PIGF: variants seen among roughly 807,000 people sequenced by gnomAD.
PIGF encodes the protein phosphatidylinositol glycan anchor biosynthesis class F.
PIGF carries 23 observed loss-of-function variants against 26.0 expected under a neutral mutation model. The ratio of observed to expected loss-of-function variants is 0.88; its 90% CI spans 0.64 to 1.25. PIGF has a LOEUF of 1.25. Ranked by LOEUF, PIGF falls within the 50% of genes most tolerant of loss-of-function variation. PIGF has a pLI of 0.00. For synonymous variants in PIGF, 93 were observed against 92.6 expected, an observed-to-expected ratio of 1.00 and a Z score of -0.03; for missense variants, 278 against 249.9, an observed-to-expected ratio of 1.11 and a Z score of -0.76.
chr2:46,616,981 T>TTC lies in PIGF; in HGVS notation c.-34_-33insGA, dbSNP rs1381926362. 1 of 538,096 alleles carries TTC rather than the reference T, an allele frequency of 1.9e-6. No individual in the cohort carries two copies. The highest frequency in any genetic ancestry group is 3.3e-6 in the Non-Finnish European group (1 of 301,218). The allele number at this position is 538,096 out of a possible 1,614,324, so 33.3% of individuals were successfully genotyped here. On this transcript the variant is annotated 5_prime_UTR_variant, in exon 1 of 6. The change abolishes the stop of an existing upstream ORF in the 5' untranslated region. Coordinates refer to ENST00000281382, the MANE Select transcript of PIGF (RefSeq NM_002643.4). ...CCAGCGGGGCTTACCTAACTCTCCC[T>TTC]CCCGCGGAAGGGAAGCGGGGAACTA...
chr2:46,590,592 C>T (rs548482579), intron 5 of PIGF, among the ~76,000 whole-genome samples: 13 of 152,204 alleles, frequency 8.5e-5, no homozygotes, highest in Admixed American at 2.6e-4. Flanking sequence ...TTTATCAATA[C>T]TTTCTATTTA....
chr2:46,591,873 A>G (rs1669731362), intron 5 of PIGF: 2 of 1,303,772 alleles, frequency 1.5e-6, no homozygotes, highest in African/African-American at 3.0e-5. Flanking sequence ...GATGTTTGTG[A>G]GCTTTCTTGA....
chr2:46,599,138 A>T (rs1669980285), intron 4 of PIGF, among the ~76,000 whole-genome samples: 1 of 152,180 alleles, frequency 6.6e-6, no homozygotes, highest in Non-Finnish European at 1.5e-5. Flanking sequence ...CTTATTCCCC[A>T]AAGAGATTGT....
At chr2:46,592,391 T>A in intron 5 of PIGF, 84 bp downstream of exon 5, 1 of 739,172 alleles carries the variant, frequency 1.4e-6, no homozygotes, top group Non-Finnish European at 2.4e-6. Context: ...CAAAACAATT[T>A]ACATATACAC....
chr2:46,593,048 A>C (rs551950201), intron 4 of PIGF, among the ~76,000 whole-genome samples: 1 of 152,328 alleles, frequency 6.6e-6, no homozygotes, highest in East Asian at 1.9e-4. Context: ...TCATGTTATA[A>C]ACCAAGTTTT....
At chr2:46,582,428 A>G (rs937445334) in intron 5 of PIGF, 3 of 152,210 alleles carry the variant, frequency 2.0e-5, no homozygotes, top group East Asian at 1.9e-4. Flanking sequence ...TACTAGTTCT[A>G]TTACCTAATT....
intron 5 of PIGF, chr2:46,581,866 T>G (rs925143788): frequency 1.1e-4 from 32 of 295,432 alleles, no homozygotes; most frequent in Non-Finnish European, 1.7e-4. Context: ...AAATTAAAAT[T>G]TTGGGTCAGA....
At chr2:46,593,615 G>A (rs2104083492) in intron 4 of PIGF, among the ~76,000 whole-genome samples, 1 of 152,320 alleles carries the variant, frequency 6.6e-6, no homozygotes, top group South Asian at 2.1e-4. Flanking sequence ...CATTCTCTTA[G>A]TAGGTGTTAG....
At chr2:46,584,874 A>C (rs978673722) in intron 5 of PIGF, among the ~76,000 whole-genome samples, 16 of 152,224 alleles carry the variant, frequency 1.1e-4, no homozygotes, top group Admixed American at 7.2e-4. Flanking sequence ...CCCACTAAGA[A>C]CTATTCCTCA....
At chr2:46,601,749 T>C (rs1387158259) in intron 4 of PIGF, among the ~76,000 whole-genome samples, 26 of 152,050 alleles carry the variant, frequency 1.7e-4, no homozygotes. Context: ...GTTGCTTCAA[T>C]ATAAAATCTA....
rs55654131 is a variant in PIGF, at chr2:46,581,029, C to T, written c.*449G>A. 0.081 allele frequency: 128,561 copies of T among 1,584,686 alleles called. 5,790 individuals are homozygous for T. Among genetic ancestry groups the T allele is most frequent in the Middle Eastern group, 0.1 (447 of 4,302 alleles). On this transcript the variant is annotated 3_prime_UTR_variant, in exon 6 of 6. Coordinates refer to ENST00000281382, the MANE Select transcript of PIGF (RefSeq NM_002643.4). Reference sequence around the variant, plus strand: ...TAGCCATTTTAACTCCAAAGAAACACACTGTAAAAAAAAGAATAGGATCAA... The same window carrying T: ...TAGCCATTTTAACTCCAAAGAAACATACTGTAAAAAAAAGAATAGGATCAA...
At position 46,613,413 on chromosome 2, in the gene PIGF, T is replaced by C. The variant is rs118024480; in HGVS notation, c.320+281A>G. 1.2e-3 allele frequency among the ~76,000 whole-genome samples: 188 copies of C among 152,234 alleles called. 5 individuals carry two copies. The East Asian group carries it at 0.017, about 13-fold the overall frequency. ...TAATCATAGTAAGTTCTTTCAGAGG[T>C]TCTAAGGGCCAAATACTTATTGGTA... On this transcript the variant is annotated intron_variant, in intron 3 of 5. Coordinates refer to ENST00000281382, the MANE Select transcript of PIGF (RefSeq NM_002643.4).
intron 4 of PIGF, among the ~76,000 whole-genome samples, chr2:46,597,437 A>G (rs1669922073): frequency 6.7e-6 from 1 of 150,166 alleles, no homozygotes. Flanking sequence ...TTTTGAGGTG[A>G]AGTCTCACTT....
rs1669750534 is a variant in PIGF at position 46,592,481 on chromosome 2, T to C, written c.540A>G (p.Pro180=). 1.3e-6 allele frequency: 2 copies of C among 1,567,700 alleles called. No individual in the cohort carries two copies. The highest frequency in any genetic ancestry group is 2.2e-5 in the East Asian group (1 of 44,650). The part of the protein sequence containing the change: ...ALPIPLDWER[P]WQVWPISCTL... ...TTAAGTAACTGAAACCAACCTGCCA[T>C]GGTCTTTCCCAATCCAGTGGAATAG... is the stretch of plus-strand genomic sequence containing the variant. The change falls in exon 5 of 6, where the codon CCA becomes CCG. Residue 180 remains proline, a synonymous_variant. Coordinates refer to ENST00000281382, the MANE Select transcript of PIGF (RefSeq NM_002643.4).
At chr2:46,614,755 GATCA>G (rs1359103148) in intron 2 of PIGF, 178 bp downstream of exon 2, 2 of 529,540 alleles carry the variant, frequency 3.8e-6, no homozygotes, top group Non-Finnish European at 3.4e-6. Flanking sequence ...GCAAGGCAAG[GATCA>G]ATCAAACATT....
intron 4 of PIGF, among the ~76,000 whole-genome samples, chr2:46,597,210 T>C (rs1669915275): frequency 6.6e-6 from 1 of 150,396 alleles, no homozygotes; most frequent in South Asian, 2.1e-4. Flanking sequence ...CAAGACTTCC[T>C]CCATCTATCT....
At position 46,612,349 on chromosome 2, in the gene PIGF, A is replaced by AG; in HGVS notation, c.321-6_321-5insC. 2.8e-6 allele frequency: 2 copies of AG among 708,992 alleles called. No homozygotes were observed. The highest frequency in any genetic ancestry group is 3.6e-5 in the Admixed American group (1 of 27,748). 43.9% of individuals were successfully genotyped at this position (708,992 alleles called of 1,614,324 possible). ...AAAAATGTTTCCAATGCCAACCTAG[A>AG]AAAAAAAAAAGATTACTTTTTAAAA... On this transcript the variant is annotated splice_polypyrimidine_tract_variant and splice_region_variant and intron_variant, in intron 3 of 5. Transcript: ENST00000281382.
chr2:46,599,801 C>T (rs1041419561), intron 4 of PIGF, among the ~76,000 whole-genome samples: 1 of 152,110 alleles, frequency 6.6e-6, no homozygotes, highest in Non-Finnish European at 1.5e-5. Context: ...GATTCTTCAT[C>T]TTCTGCACAC....
chr2:46,590,030 A>C (rs1295958646), intron 5 of PIGF, among the ~76,000 whole-genome samples: 2 of 152,126 alleles, frequency 1.3e-5, no homozygotes, highest in Non-Finnish European at 2.9e-5. Context: ...TACAGTGAAT[A>C]CGTGGGTCAT....
Sources: gnomAD v4.1 joint callset for allele counts (sites outside exome capture counted in the v4.1 genomes callset) on GRCh38, gnomAD v4.1.1 for gene constraint, MANE v1.5 for transcripts, NCBI Gene and HGNC (gene_info 2026-07-23, HGNC 2026-07-21) for gene names.